The following ZNF675 variants were observed in gnomAD, a reference collection of about 807,000 sequenced individuals.
The protein encoded by ZNF675 is TRAF6 inhibitory zinc finger.
In ZNF675, 36 loss-of-function variants were observed where a neutral mutation model predicts 56.1. The ratio of observed to expected loss-of-function variants is 0.64; its 90% CI spans 0.49 to 0.85. The LOEUF is 0.85. Ranked by LOEUF, ZNF675 falls within the 40% of genes least tolerant of loss-of-function variation. The pLI, the probability that ZNF675 is intolerant of heterozygous loss-of-function variation, is 0.00. For missense variants in ZNF675, 663 were observed against 654.2 expected (o/e 1.01, Z -0.15); for synonymous variants, 200 against 218.9 (o/e 0.91, Z 0.76).
chr19:23,674,189 G>A (rs1298119929), intron 1 of ZNF675, among the ~76,000 whole-genome samples: 1 of 151,292 alleles, frequency 6.6e-6, no homozygotes, highest in Non-Finnish European at 1.5e-5. Flanking sequence ...GGCGAAAAGA[G>A]CAAAACTCTA....
At chr19:23,668,984 C>T (rs538762167) in intron 1 of ZNF675, among the ~76,000 whole-genome samples, 8 of 152,332 alleles carry the variant, frequency 5.3e-5, no homozygotes, top group East Asian at 1.9e-4. Flanking sequence ...CACAGTGCAG[C>T]GGTGGGCTGA....
rs748772495 is a variant in ZNF675 at position 23,663,039 on chromosome 19, G to A, written c.123C>T (p.Val41=). The change falls in exon 2 of 4, where the codon GTC becomes GTT. Residue 41 remains valine (V), a synonymous_variant. Coordinates refer to ENST00000359788, the MANE Select transcript of ZNF675 (RefSeq NM_138330.3). The part of the protein sequence containing the change: ...NVILENYRNL[V]FLGIAVSKQD... ...TGTTTAAGTTATCCTTACCCAGGAA[G>A]ACCAGGTTTCTGTAGTTCTCTAAAA... The A allele has an allele frequency of 6.3e-7, 1 of 1,587,996 alleles. No homozygotes were observed. The highest frequency in any genetic ancestry group is 8.5e-7 in the Non-Finnish European group (1 of 1,171,462).
In ZNF675 at chr19:23,654,366, T is replaced by C; in HGVS notation, c.567A>G (p.Arg189=). 1 of 1,612,178 alleles carries C rather than the reference T, an allele frequency of 6.2e-7. No homozygotes were observed. ...TCACCTTGGTATAATTTCTTTCATG[T>C]CGAGTTAGGTGTGAAAGCATGCAAA... is the stretch of plus-strand genomic sequence containing the variant. The part of the protein sequence containing the change: ...RSFCMLSHLT[R]HERNYTKVNF... Residue 189 remains arginine (R), a synonymous_variant, in exon 4 of 4, where the codon CGA becomes CGG. Transcript: ENST00000359788.
intron 2 of ZNF675, among the ~76,000 whole-genome samples, chr19:23,662,581 T>C (rs1968093314): frequency 6.6e-6 from 1 of 152,204 alleles, no homozygotes; most frequent in Non-Finnish European, 1.5e-5. Flanking sequence ...GACAAATCCT[T>C]AAGATTTTCT....
Position 23,685,062 on chromosome 19 carries a change from A to G in ZNF675, c.3+1969T>C, listed in dbSNP as rs775486245. ...CTCTTGGTGCCCAGGCTGGAATCCA[A>G]TGGTGCGATCTCGGCTCTCAGCCTC... On this transcript the variant is annotated intron_variant, in intron 1 of 3. Coordinates refer to ENST00000359788, the MANE Select transcript of ZNF675 (RefSeq NM_138330.3). Among the ~76,000 whole-genome samples the G allele has an allele frequency of 1.3e-4, 19 of 151,904 alleles. No homozygotes were observed. The East Asian group carries it at 1.4e-3, about 11-fold the overall frequency.
chr19:23,661,400 A>AG (rs1272942972), intron 3 of ZNF675, among the ~76,000 whole-genome samples: 2 of 12,560 alleles, frequency 1.6e-4, no homozygotes, highest in African/African-American at 2.4e-4. Context: ...AAAAATGAAA[A>AG]AAAAAAAGGG....
Position 23,654,588 on chromosome 19 carries a change from G to A in ZNF675, c.345C>T (p.Gly115=), listed in dbSNP as rs760208851. ...ACTTACATTCATCCACACTTTTACA[G>A]CCTTTTAACTGAAAATTATCATTTC... ...KCGNDNFQLK[G]CKSVDECKLH... Residue 115 remains glycine (G), a synonymous_variant, in exon 4 of 4, where the codon GGC becomes GGT. Coordinates refer to ENST00000359788, the MANE Select transcript of ZNF675 (RefSeq NM_138330.3). 2 of 1,611,036 alleles carry A rather than the reference G, an allele frequency of 1.2e-6. No individual in the cohort carries two copies. Among genetic ancestry groups the A allele is most frequent in the Admixed American group, 1.7e-5 (1 of 59,560 alleles).
intron 1 of ZNF675, among the ~76,000 whole-genome samples, chr19:23,680,530 G>A (rs1392308904): frequency 6.6e-6 from 1 of 151,510 alleles, no homozygotes; most frequent in Non-Finnish European, 1.5e-5. Context: ...AGGCTGAGGT[G>A]GGTGAATCAT....
intron 1 of ZNF675, among the ~76,000 whole-genome samples, chr19:23,683,526 A>G (rs1301459545): frequency 3.3e-5 from 5 of 152,070 alleles, no homozygotes; most frequent in Non-Finnish European, 7.4e-5. Flanking sequence ...GGTTCAAGCG[A>G]TTCTCCTGCC....
chr19:23,671,530 G>T (rs1012512652), intron 1 of ZNF675, among the ~76,000 whole-genome samples: 2 of 152,090 alleles, frequency 1.3e-5, no homozygotes, highest in Non-Finnish European at 2.9e-5. Flanking sequence ...TCAATGCAAA[G>T]GTACCAGTCA....
intron 1 of ZNF675, among the ~76,000 whole-genome samples, chr19:23,671,232 C>T (rs958657408): frequency 1.3e-5 from 2 of 152,132 alleles, no homozygotes; most frequent in African/African-American, 2.4e-5. Flanking sequence ...GACATAAGCT[C>T]CACAAGCTAC....
intron 1 of ZNF675, among the ~76,000 whole-genome samples, chr19:23,669,775 T>A (rs1207492648): frequency 2.6e-5 from 4 of 151,138 alleles, no homozygotes; most frequent in African/African-American, 9.7e-5. Context: ...ATCGCTTGAA[T>A]CCAGGAGGCA....
At chr19:23,677,308 T>A (rs945977394) in intron 1 of ZNF675, among the ~76,000 whole-genome samples, 1 of 151,690 alleles carries the variant, frequency 6.6e-6, no homozygotes, top group African/African-American at 2.4e-5. Flanking sequence ...AAAAGTTCTG[T>A]AAGCTGACAA....
rs141578452 is a variant in ZNF675 at position 23,653,946 on chromosome 19, T to A, written c.987A>T (p.Thr329=). The A allele has an allele frequency of 2.4e-5, 39 of 1,613,414 alleles. No individual in the cohort carries two copies. The African/African-American group carries it at 5.1e-4, about 21-fold the overall frequency. ...KAFTQSSTLT[T]HKRIHTGEKP... ...TTTCTCCAGTATGAATTCTCTTATG[T>A]GTAGTAAGGGTTGAGGATTGGGTAA... Residue 329 remains threonine, a synonymous_variant, in exon 4 of 4, where the codon ACA becomes ACT. Coordinates refer to ENST00000359788, the MANE Select transcript of ZNF675 (RefSeq NM_138330.3).
chr19:23,673,103 C>G (rs1393439239), intron 1 of ZNF675, among the ~76,000 whole-genome samples: 2 of 152,200 alleles, frequency 1.3e-5, no homozygotes, highest in South Asian at 4.1e-4. Context: ...TTTAATGTCT[C>G]TTCAAGTTTG....
chr19:23,661,826 A>AATTT (rs757277340), intron 3 of ZNF675: 1 of 229,308 alleles, frequency 4.4e-6, no homozygotes, highest in Non-Finnish European at 8.4e-6. Context: ...TCCAAAAAAA[A>AATTT]TGAGTAAGGA....
intron 3 of ZNF675, among the ~76,000 whole-genome samples, chr19:23,658,957 A>G (rs1968038477): frequency 1.4e-4 from 1 of 6,936 alleles, no homozygotes; most frequent in African/African-American, 1.5e-4. Context: ...ATCTCTAGAG[A>G]TCTATAGATA....
intron 1 of ZNF675, among the ~76,000 whole-genome samples, chr19:23,672,909 T>C (rs1394897810): frequency 1.3e-5 from 2 of 152,236 alleles, no homozygotes; most frequent in African/African-American, 4.8e-5. Context: ...ACAAACTTGT[T>C]TGTCAGAAAC....
chr19:23,673,270 G>C (rs979254320), intron 1 of ZNF675, among the ~76,000 whole-genome samples: 1 of 152,178 alleles, frequency 6.6e-6, no homozygotes, highest in Non-Finnish European at 1.5e-5. Flanking sequence ...AGTAACAGGA[G>C]GAAGTGGAAA....
Sources: gnomAD v4.1 joint callset for allele counts (sites outside exome capture counted in the v4.1 genomes callset) on GRCh38, gnomAD v4.1.1 for gene constraint, MANE v1.5 for transcripts, NCBI Gene and HGNC (gene_info 2026-07-23, HGNC 2026-07-21) for gene names.